CAP2: variants seen among roughly 807,000 people sequenced by gnomAD.
CAP2 encodes cyclase associated actin cytoskeleton regulatory protein 2, also known as adenylyl cyclase-associated protein 2.
A neutral mutation model predicts 57.7 loss-of-function variants in CAP2; 24 were observed. That is an observed-to-expected ratio of 0.42 (90% CI 0.30 to 0.58). The LOEUF (loss-of-function observed/expected upper bound fraction) is 0.58, where lower values mean the gene tolerates loss of function less well. Among genes scored for constraint, CAP2 ranks in the 20% least tolerant of loss-of-function variants. The pLI, the probability that CAP2 is intolerant of heterozygous loss-of-function variation, is 0.22. For missense variants in CAP2, 501 were observed against 590.3 expected (o/e 0.85, Z 1.57); for synonymous variants, 194 against 207.2 (o/e 0.94, Z 0.55).
At position 17,543,135 on chromosome 6, in the gene CAP2, C is replaced by G. The variant is rs1762948045; in HGVS notation, c.1201C>G (p.Gln401Glu). The G allele has an allele frequency of 6.2e-6, 10 of 1,613,052 alleles. No homozygotes were observed. Among genetic ancestry groups the G allele is most frequent in the Non-Finnish European group, 8.5e-6 (10 of 1,179,090 alleles). ...GGAAGTGATCAACTCCCAGGACATTCAAATCCAGGTAAGCAGAGCCTTTCC... is the reference window on the plus strand; with the variant it reads ...GGAAGTGATCAACTCCCAGGACATTGAAATCCAGGTAAGCAGAGCCTTTCC... ...IVEVINSQDI[Q>E]IQVMGRVPTI... Residue 401 changes from glutamine (Q) to glutamate (E), a missense_variant, in exon 11 of 13, where the codon CAA becomes GAA. Coordinates refer to ENST00000229922, the MANE Select transcript of CAP2 (RefSeq NM_006366.3).
chr6:17,487,905 A>C (rs1006596866), intron 4 of CAP2, among the ~76,000 whole-genome samples: 2 of 152,070 alleles, frequency 1.3e-5, no homozygotes, highest in Non-Finnish European at 2.9e-5. Context: ...CAGCCTGCCT[A>C]GTAGCTGGGA....
chr6:17,409,997 C>T (rs574243869), intron 1 of CAP2, among the ~76,000 whole-genome samples: 8 of 152,160 alleles, frequency 5.3e-5, no homozygotes, highest in Admixed American at 1.3e-4. Flanking sequence ...TAGCTCCTGG[C>T]GCATAATGAA....
chr6:17,401,863 C>T (rs1389209307), intron 1 of CAP2, among the ~76,000 whole-genome samples: 1 of 152,114 alleles, frequency 6.6e-6, no homozygotes, highest in Non-Finnish European at 1.5e-5. Context: ...CTCTCTCTTC[C>T]TTAGGAATTC....
chr6:17,467,355 G>T (rs1437666388), intron 4 of CAP2, among the ~76,000 whole-genome samples: 1 of 152,134 alleles, frequency 6.6e-6, no homozygotes, highest in African/African-American at 2.4e-5. Flanking sequence ...CTAAGGTAAT[G>T]AATTTTTAAA....
intron 3 of CAP2, among the ~76,000 whole-genome samples, chr6:17,461,240 G>A (rs577789300): frequency 0.038 from 5,609 of 147,494 alleles, 370 homozygotes; most frequent in African/African-American, 0.13. Context: ...CTTTTTTTGA[G>A]ACGTAGTCTC....
At chr6:17,459,762 T>A (rs1190622171) in intron 3 of CAP2, among the ~76,000 whole-genome samples, 2 of 152,172 alleles carry the variant, frequency 1.3e-5, no homozygotes, top group South Asian at 4.1e-4. Flanking sequence ...ATGAGACCTG[T>A]TGAAAATTTG....
At chr6:17,536,198 T>A (rs1762769598) in intron 7 of CAP2, 2 of 456,592 alleles carry the variant, frequency 4.4e-6, no homozygotes, top group Non-Finnish European at 8.8e-6. Context: ...CATAAGAGAA[T>A]ATAGAAAGTT....
intron 4 of CAP2, among the ~76,000 whole-genome samples, chr6:17,463,412 T>C (rs1760782216): frequency 6.6e-6 from 1 of 152,232 alleles, no homozygotes; most frequent in East Asian, 1.9e-4. Flanking sequence ...TTGACTTGTG[T>C]GATCTTTATA....
intron 7 of CAP2, among the ~76,000 whole-genome samples, chr6:17,530,558 A>T (rs988644329): frequency 6.6e-6 from 1 of 152,108 alleles, no homozygotes; most frequent in African/African-American, 2.4e-5. Context: ...TCCATGAAGG[A>T]CAGTTCGAGG....
At chr6:17,474,102 G>A (rs965933086) in intron 4 of CAP2, among the ~76,000 whole-genome samples, 3 of 148,964 alleles carry the variant, frequency 2.0e-5, no homozygotes, top group African/African-American at 7.4e-5. Flanking sequence ...CCATTTTTTA[G>A]CCCCTCCCCT....
chr6:17,449,771 C>T (rs925047405), intron 3 of CAP2, among the ~76,000 whole-genome samples: 15 of 152,096 alleles, frequency 9.9e-5, no homozygotes, highest in African/African-American at 1.2e-4. Context: ...AAATTCCTGG[C>T]CAATGGCAAG....
intron 1 of CAP2, among the ~76,000 whole-genome samples, chr6:17,400,136 G>A (rs1758772098): frequency 6.6e-6 from 1 of 152,060 alleles, no homozygotes; most frequent in African/African-American, 2.4e-5. Flanking sequence ...TGAGGCAGGA[G>A]AATCGCTTGA....
chr6:17,405,685 TTTC>T (rs1442984884), intron 1 of CAP2, among the ~76,000 whole-genome samples: 1 of 152,228 alleles, frequency 6.6e-6, no homozygotes, highest in Non-Finnish European at 1.5e-5. Context: ...TTGGTCATGA[TTTC>T]TTCTTTTGTT....
At chr6:17,428,826 C>G (rs993252862) in intron 3 of CAP2, among the ~76,000 whole-genome samples, 20 of 151,912 alleles carry the variant, frequency 1.3e-4, no homozygotes, top group African/African-American at 4.8e-4. Flanking sequence ...TGCTCCCCTC[C>G]CAATTAGACA....
intron 7 of CAP2, among the ~76,000 whole-genome samples, chr6:17,518,110 G>A (rs913092222): frequency 6.6e-6 from 1 of 152,018 alleles, no homozygotes; most frequent in Non-Finnish European, 1.5e-5. Context: ...TAATGGAAGA[G>A]AAAATGATAA....
intron 3 of CAP2, among the ~76,000 whole-genome samples, chr6:17,432,719 C>CTTG (rs1554122120): frequency 6.0e-5 from 9 of 151,038 alleles, no homozygotes; most frequent in South Asian, 2.1e-4. Context: ...CCCTCCACCC[C>CTTG]CTTGCTTGCT....
At chr6:17,486,205 T>C (rs926859823) in intron 4 of CAP2, among the ~76,000 whole-genome samples, 2 of 151,994 alleles carry the variant, frequency 1.3e-5, no homozygotes, top group African/African-American at 4.8e-5. Flanking sequence ...AACAAACCAA[T>C]GAGATAGAAA....
intron 4 of CAP2, among the ~76,000 whole-genome samples, chr6:17,464,470 C>A (rs1295285999): frequency 6.6e-6 from 1 of 152,176 alleles, no homozygotes; most frequent in Non-Finnish European, 1.5e-5. Flanking sequence ...ACCTGAGACC[C>A]TCCCTGGAAC....
In CAP2 at chr6:17,423,203, C is replaced by T. The variant is rs532484384; in HGVS notation, c.121+1527C>T. The stretch of plus-strand genomic sequence containing the variant: ...CTAGAATTTCAGGCGAATTTGGACC[C>T]GTGCCTGTATTACATACCATGGGAC... On this transcript the variant is annotated intron_variant, in intron 2 of 12. Coordinates refer to ENST00000229922, the MANE Select transcript of CAP2 (RefSeq NM_006366.3). Among the ~76,000 whole-genome samples, 36 of 152,316 alleles carry T rather than the reference C, an allele frequency of 2.4e-4. No homozygotes were observed. The South Asian group carries it at 6.2e-3, about 26-fold the overall frequency.
Sources: allele counts gnomAD v4.1 joint callset (sites outside exome capture counted in the v4.1 genomes callset), GRCh38; gene constraint gnomAD v4.1.1; transcripts MANE v1.5; gene names NCBI Gene and HGNC (gene_info 2026-07-23, HGNC 2026-07-21).